ADAM17: variants seen among roughly 807,000 people sequenced by gnomAD.
The protein encoded by ADAM17 is disintegrin and metalloproteinase domain-containing protein 17.
A neutral mutation model predicts 96.7 loss-of-function variants in ADAM17; 39 were observed. That is an observed-to-expected ratio of 0.40 (90% CI 0.31 to 0.53). ADAM17 has a LOEUF of 0.53. Ranked by LOEUF, ADAM17 falls within the 20% of genes least tolerant of loss-of-function variation. ADAM17 has a pLI of 0.44. For synonymous variants in ADAM17, 344 were observed against 359.2 expected, an observed-to-expected ratio of 0.96 and a Z score of 0.48; for missense variants, 777 against 1,013.2, an observed-to-expected ratio of 0.77 and a Z score of 3.17.
chr2:9,532,888 T>C (rs1664804521), intron 4 of ADAM17, among the ~76,000 whole-genome samples: 1 of 152,098 alleles, frequency 6.6e-6, no homozygotes. Context: ...AAAGGAAGTA[T>C]TTGAAAAAAA....
At chr2:9,512,722 G>C (rs942728938) in intron 10 of ADAM17, among the ~76,000 whole-genome samples, 1 of 152,092 alleles carries the variant, frequency 6.6e-6, no homozygotes, top group Non-Finnish European at 1.5e-5. Flanking sequence ...CCACTCAGTC[G>C]GTTAGTATGA....
chr2:9,543,188 A>G lies in ADAM17; in HGVS notation c.195T>C (p.His65=). 6.2e-7 allele frequency: 1 copy of G among 1,606,160 alleles called. No individual in the cohort carries two copies. Among genetic ancestry groups the G allele is most frequent in the Non-Finnish European group, 8.5e-7 (1 of 1,176,998 alleles). The change falls in exon 2 of 19, where the codon CAT becomes CAC. Residue 65 remains histidine, a synonymous_variant. Transcript: ENST00000310823. ...CTGAAAAAGTTAGTAGTGTTTCTAC[A>G]TGTGTTGAAGTCTGTAGATCTCTTT... The part of the protein sequence containing the change: ...VRKRDLQTST[H]VETLLTFSAL...
At chr2:9,492,585 T>G (rs1662247837) in intron 17 of ADAM17, among the ~76,000 whole-genome samples, 1 of 152,226 alleles carries the variant, frequency 6.6e-6, no homozygotes, top group African/African-American at 2.4e-5. Context: ...CTGAAAATGC[T>G]CTTCAATAAG....
chr2:9,499,590 C>G (rs147269621), intron 13 of ADAM17, among the ~76,000 whole-genome samples: 2,059 of 152,004 alleles, frequency 0.014, 187 homozygotes, highest in Admixed American at 0.13. Context: ...TTTTAGTAGA[C>G]ACAGGGTTTC....
At chr2:9,526,087 C>T (rs1338343887) in intron 6 of ADAM17, 24 bp downstream of exon 6, 6 of 1,567,060 alleles carry the variant, frequency 3.8e-6, no homozygotes, top group African/African-American at 2.7e-5. Context: ...TTTTCAATTA[C>T]TCGATGCAAT....
intron 11 of ADAM17, among the ~76,000 whole-genome samples, chr2:9,508,353 C>T (rs1663536343): frequency 6.6e-6 from 1 of 152,178 alleles, no homozygotes; most frequent in Non-Finnish European, 1.5e-5. Flanking sequence ...GACTTCACAG[C>T]TCCTCTACAT....
intron 12 of ADAM17, 44 bp downstream of exon 12, chr2:9,505,122 T>C (rs1044309764): frequency 1.9e-6 from 3 of 1,602,794 alleles, no homozygotes; most frequent in African/African-American, 1.3e-5. Context: ...TTTGGACATC[T>C]TGTTATACCA....
At chr2:9,550,107 G>A (rs947117257) in intron 1 of ADAM17, among the ~76,000 whole-genome samples, 17 of 152,142 alleles carry the variant, frequency 1.1e-4, no homozygotes, top group Non-Finnish European at 1.0e-4. Flanking sequence ...ACAGGACAGG[G>A]AAGCAGGCCA....
Position 9,543,149 on chromosome 2 carries a change from T to C in ADAM17, c.230+4A>G, listed in dbSNP as rs755484483. The C allele has an allele frequency of 1.9e-6, 3 of 1,575,868 alleles. No individual in the cohort carries two copies. The highest frequency in any genetic ancestry group is 2.6e-6 in the Non-Finnish European group (3 of 1,165,554). Reference sequence around the variant, plus strand: ...AACATTATTCCATGAATAATTCAAATTACCTTTTCAAAGCTGAAAAAGTTA... The same window carrying C: ...AACATTATTCCATGAATAATTCAAACTACCTTTTCAAAGCTGAAAAAGTTA... On this transcript the variant is annotated splice_donor_region_variant and intron_variant, in intron 2 of 18. Transcript: ENST00000310823.
At chr2:9,555,120 T>C (rs1291471030) in intron 1 of ADAM17, among the ~76,000 whole-genome samples, 1 of 152,068 alleles carries the variant, frequency 6.6e-6, no homozygotes, top group Non-Finnish European at 1.5e-5. Flanking sequence ...CCTTTCTGGC[T>C]CTGGTAGGAA....
chr2:9,491,543 G>T (rs527982496), intron 17 of ADAM17, among the ~76,000 whole-genome samples: 2 of 152,192 alleles, frequency 1.3e-5, no homozygotes, highest in African/African-American at 4.8e-5. Context: ...GGAAGACCCA[G>T]GTGGCTGGGC....
At position 9,555,817 on chromosome 2, in the gene ADAM17, T is replaced by C; in HGVS notation, c.-212A>G. Reference sequence around the variant, plus strand: ...GTTACCAAAGGCCGGCTCAGCCAGCTTCCGGCCGCCGCTGTCCCCCGCACC... The same window carrying C: ...GTTACCAAAGGCCGGCTCAGCCAGCCTCCGGCCGCCGCTGTCCCCCGCACC... On this transcript the variant is annotated 5_prime_UTR_variant, in exon 1 of 19. Coordinates refer to ENST00000310823, the MANE Select transcript of ADAM17 (RefSeq NM_003183.6). 1 of 433,430 alleles carries C rather than the reference T, an allele frequency of 2.3e-6. No homozygotes were observed. The highest frequency in any genetic ancestry group is 5.7e-5 in the South Asian group (1 of 17,486). 26.8% of individuals were successfully genotyped at this position (433,430 alleles called of 1,614,324 possible). A position where few individuals can be genotyped will look rare whatever the true frequency, so the allele number is the denominator to read the frequency against.
chr2:9,532,822 A>T (rs1310539873), intron 4 of ADAM17, among the ~76,000 whole-genome samples: 1 of 152,010 alleles, frequency 6.6e-6, no homozygotes, highest in African/African-American at 2.4e-5. Context: ...AGTTATACTC[A>T]TTTTTGTACT....
intron 12 of ADAM17, among the ~76,000 whole-genome samples, chr2:9,504,619 C>T (rs62117541): frequency 1.1e-4 from 17 of 150,700 alleles, no homozygotes; most frequent in Non-Finnish European, 2.1e-4. Flanking sequence ...AAAAATTAGC[C>T]GGGCATGGTG....
chr2:9,494,420 C>T (rs543954360), intron 15 of ADAM17, among the ~76,000 whole-genome samples: 24 of 152,266 alleles, frequency 1.6e-4, no homozygotes, highest in African/African-American at 5.1e-4. Context: ...CCTTCTCAGT[C>T]TCTGGGCTCA....
Position 9,489,371 on chromosome 2 carries a change from C to T in ADAM17, c.*806G>A, listed in dbSNP as rs1025147870. On this transcript the variant is annotated 3_prime_UTR_variant, in exon 19 of 19. Coordinates refer to ENST00000310823, the MANE Select transcript of ADAM17 (RefSeq NM_003183.6). ...GTGCTGGGATTACAGGCATGAGCCA[C>T]CACTCCCAGCCAATAGTGAATTTTC... is the stretch of plus-strand genomic sequence containing the variant. 1 of 149,760 alleles carries T rather than the reference C, an allele frequency of 6.7e-6. No individual in the cohort carries two copies. The highest frequency in any genetic ancestry group is 1.5e-5 in the Non-Finnish European group (1 of 67,806). The allele number at this position is 149,760 out of a possible 1,614,324, so 9.3% of individuals were successfully genotyped here.
chr2:9,515,596 G>A (rs1664012114), intron 10 of ADAM17, among the ~76,000 whole-genome samples: 1 of 151,992 alleles, frequency 6.6e-6, no homozygotes, highest in African/African-American at 2.4e-5. Flanking sequence ...AATTAGCTGG[G>A]AGTGGCAGCG....
At chr2:9,548,566 G>C (rs1375101954) in intron 1 of ADAM17, among the ~76,000 whole-genome samples, 1 of 151,580 alleles carries the variant, frequency 6.6e-6, no homozygotes, top group African/African-American at 2.4e-5. Context: ...AGTTTTGAAT[G>C]ATAGAGCCTT....
At chr2:9,544,469 G>A (rs1665332301) in intron 1 of ADAM17, among the ~76,000 whole-genome samples, 1 of 152,086 alleles carries the variant, frequency 6.6e-6, no homozygotes, top group African/African-American at 2.4e-5. Flanking sequence ...ATGTTGCAGG[G>A]AGCTGAGATT....
Sources: gnomAD v4.1 joint callset for allele counts (sites outside exome capture counted in the v4.1 genomes callset) on GRCh38, gnomAD v4.1.1 for gene constraint, MANE v1.5 for transcripts, NCBI Gene and HGNC (gene_info 2026-07-23, HGNC 2026-07-21) for gene names.